ARK2C: variants seen among roughly 807,000 people sequenced by gnomAD.
ARK2C encodes E3 ubiquitin-protein ligase ARK2C.
the ARK2C span, among the ~76,000 whole-genome samples, chr18:46,353,701 T>G: frequency 6.6e-6 from 1 of 152,212 alleles, no homozygotes. Context: ...CTCTGGCTCC[T>G]TCCCACAGCG....
At chr18:46,352,106 C>G in the ARK2C span, among the ~76,000 whole-genome samples, 2 of 152,174 alleles carry the variant, frequency 1.3e-5, no homozygotes, top group African/African-American at 4.8e-5. Context: ...CTTCCTTTCC[C>G]CACCATTGGC....
chr18:46,345,780 A>C, the ARK2C span, among the ~76,000 whole-genome samples: 2 of 152,216 alleles, frequency 1.3e-5, no homozygotes, highest in South Asian at 2.1e-4. Context: ...GTGACATTTC[A>C]TTCAGGCAGG....
the ARK2C span, chr18:46,385,966 T>C: frequency 6.6e-6 from 1 of 152,200 alleles, no homozygotes; most frequent in East Asian, 1.9e-4. Flanking sequence ...TGTGTGGTGG[T>C]TCTGATGCTC....
chr18:46,356,475 A>T, the ARK2C span, among the ~76,000 whole-genome samples: 1 of 152,146 alleles, frequency 6.6e-6, no homozygotes, highest in East Asian at 1.9e-4. Flanking sequence ...GATATTTACC[A>T]GAGCCCTGAG....
At chr18:46,386,795 T>G in the ARK2C span, 5 of 152,174 alleles carry the variant, frequency 3.3e-5, no homozygotes, top group Non-Finnish European at 7.3e-5. Context: ...CAGAGGAACA[T>G]TTTGTTTTCA....
the ARK2C span, among the ~76,000 whole-genome samples, chr18:46,420,193 G>A: frequency 2.6e-5 from 4 of 152,120 alleles, no homozygotes; most frequent in Admixed American, 2.6e-4. Context: ...TCCTTAAAAC[G>A]TAACCACTCC....
chr18:46,401,165 C>T, the ARK2C span, among the ~76,000 whole-genome samples: 1 of 152,056 alleles, frequency 6.6e-6, no homozygotes, highest in Non-Finnish European at 1.5e-5. Flanking sequence ...CAGGGGCCTA[C>T]TTGGTCCTCA....
chr18:46,402,567 C>T, the ARK2C span, among the ~76,000 whole-genome samples: 1,399 of 152,198 alleles, frequency 9.2e-3, 19 homozygotes, highest in African/African-American at 0.032. Context: ...CGCTGGAGTG[C>T]GTGACTCACT....
chr18:46,416,726 C>T, the ARK2C span, among the ~76,000 whole-genome samples: 1 of 152,312 alleles, frequency 6.6e-6, no homozygotes, highest in East Asian at 1.9e-4. Flanking sequence ...ACAGATGGGT[C>T]TAGGACAGTT....
the ARK2C span, among the ~76,000 whole-genome samples, chr18:46,427,355 G>C: frequency 6.6e-6 from 1 of 152,140 alleles, no homozygotes. Flanking sequence ...ACCTCCCCAG[G>C]CTGGGGCGGT....
At chr18:46,342,431 G>A in the ARK2C span, among the ~76,000 whole-genome samples, 1 of 152,254 alleles carries the variant, frequency 6.6e-6, no homozygotes, top group African/African-American at 2.4e-5. Flanking sequence ...CAAGCTTCGA[G>A]GGGGTCTAGA....
the ARK2C span, among the ~76,000 whole-genome samples, chr18:46,373,309 C>G: frequency 7.9e-5 from 12 of 152,374 alleles, no homozygotes; most frequent in East Asian, 2.1e-3. Flanking sequence ...AGAGCTTGCC[C>G]AGTGCTTTCT....
At chr18:46,463,054 G>A in the ARK2C span, 12 of 152,228 alleles carry the variant, frequency 7.9e-5, no homozygotes, top group Admixed American at 7.2e-4. Flanking sequence ...GAGACATTAG[G>A]AATTGTGTAA....
At chr18:46,356,309 G>A in the ARK2C span, among the ~76,000 whole-genome samples, 3 of 152,184 alleles carry the variant, frequency 2.0e-5, no homozygotes, top group Non-Finnish European at 2.9e-5. Flanking sequence ...AGTGGGGAAG[G>A]CAGACAGCAA....
chr18:46,435,015 T>C, the ARK2C span, among the ~76,000 whole-genome samples: 3 of 152,046 alleles, frequency 2.0e-5, no homozygotes, highest in African/African-American at 7.2e-5. Flanking sequence ...TGGAGCCAGG[T>C]AATCTACCAC....
At chr18:46,338,659 A>T in the ARK2C span, among the ~76,000 whole-genome samples, 1 of 151,764 alleles carries the variant, frequency 6.6e-6, no homozygotes. Flanking sequence ...GTGGAGAGGT[A>T]TTTTTTTTCC....
the ARK2C span, among the ~76,000 whole-genome samples, chr18:46,376,817 C>T: frequency 2.6e-5 from 4 of 152,058 alleles, no homozygotes; most frequent in East Asian, 1.9e-4. Flanking sequence ...ACTACAGGCA[C>T]GCACCACCAT....
At chr18:46,439,420 G>T in the ARK2C span, among the ~76,000 whole-genome samples, 1 of 152,106 alleles carries the variant, frequency 6.6e-6, no homozygotes, top group Non-Finnish European at 1.5e-5. Context: ...CTGCCATCTC[G>T]CTCCTGTAGG....
chr18:46,357,908 G>A, the ARK2C span, among the ~76,000 whole-genome samples: 2 of 152,192 alleles, frequency 1.3e-5, no homozygotes, highest in South Asian at 2.1e-4. Context: ...CTCTCTTCTG[G>A]GGGTTGCTGG....
Sources: allele counts gnomAD v4.1 joint callset (sites outside exome capture counted in the v4.1 genomes callset), GRCh38; gene constraint gnomAD v4.1.1; transcripts MANE v1.5; gene names NCBI Gene and HGNC (gene_info 2026-07-23, HGNC 2026-07-21).